Variants in LAPTM4B observed in about 807,000 individuals in gnomAD.
LAPTM4B encodes the protein lysosomal-associated transmembrane protein 4B.
A neutral mutation model predicts 28.5 loss-of-function variants in LAPTM4B; 26 were observed. The observed-to-expected ratio is 0.91, with a 90% CI of 0.67 to 1.27. The LOEUF (loss-of-function observed/expected upper bound fraction) is 1.27. LAPTM4B is among the 50% of genes most tolerant of loss of function. LAPTM4B has a pLI of 0.00. For synonymous variants in LAPTM4B, 109 were observed against 106.4 expected (o/e 1.02, Z -0.15); for missense variants, 288 against 285.8 (o/e 1.01, Z -0.06).
intron 6 of LAPTM4B, among the ~76,000 whole-genome samples, chr8:97,847,663 C>T (rs914484753): frequency 6.6e-6 from 1 of 152,172 alleles, no homozygotes; most frequent in Non-Finnish European, 1.5e-5. Context: ...GAATATACTG[C>T]AGTAGAAACT....
intron 2 of LAPTM4B, among the ~76,000 whole-genome samples, chr8:97,812,734 C>T (rs544575328): frequency 6.6e-6 from 1 of 152,274 alleles, no homozygotes; most frequent in Admixed American, 6.5e-5. Context: ...ACCACCAACC[C>T]AAGACAACCT....
At chr8:97,778,139 C>T (rs1016569209) in intron 1 of LAPTM4B, among the ~76,000 whole-genome samples, 1 of 152,060 alleles carries the variant, frequency 6.6e-6, no homozygotes, top group African/African-American at 2.4e-5. Context: ...TTTGTCTTAA[C>T]GTTTGGAAAT....
intron 1 of LAPTM4B, among the ~76,000 whole-genome samples, chr8:97,792,891 G>A (rs1019584481): frequency 6.6e-6 from 1 of 152,162 alleles, no homozygotes; most frequent in East Asian, 1.9e-4. Context: ...CAGTCAATTA[G>A]TCACTTAATC....
At chr8:97,845,055 C>T (rs949292712) in intron 6 of LAPTM4B, among the ~76,000 whole-genome samples, 1 of 152,210 alleles carries the variant, frequency 6.6e-6, no homozygotes, top group Non-Finnish European at 1.5e-5. Flanking sequence ...CTCATTTCTT[C>T]TGTACTTACC....
intron 3 of LAPTM4B, 137 bp downstream of exon 3, chr8:97,815,538 G>T: frequency 2.9e-6 from 2 of 692,000 alleles, no homozygotes; most frequent in Non-Finnish European, 2.4e-6. Flanking sequence ...TGTATTATGT[G>T]GTACTAGGAA....
chr8:97,782,218 T>G (rs1375035032), intron 1 of LAPTM4B, among the ~76,000 whole-genome samples: 1 of 148,646 alleles, frequency 6.7e-6, no homozygotes, highest in African/African-American at 2.5e-5. Context: ...CGACCTCTGG[T>G]GATCTGCTCC....
intron 1 of LAPTM4B, among the ~76,000 whole-genome samples, chr8:97,789,150 T>G (rs1298796796): frequency 6.6e-6 from 1 of 151,462 alleles, no homozygotes; most frequent in Non-Finnish European, 1.5e-5. Context: ...CTCGACTTAC[T>G]GCAACCTCCG....
intron 1 of LAPTM4B, among the ~76,000 whole-genome samples, chr8:97,776,691 C>G (rs1347642043): frequency 1.2e-5 from 1 of 81,780 alleles, no homozygotes; most frequent in African/African-American, 8.2e-5. Context: ...GTGAATGGGT[C>G]CCCCCCCCGA....
intron 1 of LAPTM4B, among the ~76,000 whole-genome samples, chr8:97,804,052 A>G (rs568268762): frequency 8.5e-5 from 13 of 152,366 alleles, no homozygotes; most frequent in East Asian, 3.9e-4. Flanking sequence ...GAACTGTGCC[A>G]TAAGTTTCTG....
chr8:97,789,814 C>T (rs377143083), intron 1 of LAPTM4B, among the ~76,000 whole-genome samples: 1 of 152,144 alleles, frequency 6.6e-6, no homozygotes, highest in Admixed American at 6.5e-5. Context: ...AGCCACCTTG[C>T]CCGGCCCTCT....
At chr8:97,817,177 G>T (rs955329085) in intron 4 of LAPTM4B, among the ~76,000 whole-genome samples, 2 of 152,106 alleles carry the variant, frequency 1.3e-5, no homozygotes, top group Admixed American at 1.3e-4. Context: ...TGTCACCCAG[G>T]CTGGAGTGCA....
At chr8:97,837,867 A>G (rs1262510303) in intron 6 of LAPTM4B, among the ~76,000 whole-genome samples, 1 of 152,224 alleles carries the variant, frequency 6.6e-6, no homozygotes, top group Admixed American at 6.5e-5. Context: ...AGTTTAGAAG[A>G]GAGATCTTAT....
At chr8:97,798,670 C>T (rs1790705454) in intron 1 of LAPTM4B, among the ~76,000 whole-genome samples, 1 of 151,788 alleles carries the variant, frequency 6.6e-6, no homozygotes, top group African/African-American at 2.4e-5. Flanking sequence ...GTAAGAAGGA[C>T]ACACTGAGCC....
chr8:97,828,632 A>G (rs532724606), intron 6 of LAPTM4B, among the ~76,000 whole-genome samples: 38 of 152,342 alleles, frequency 2.5e-4, no homozygotes, highest in African/African-American at 8.9e-4. Flanking sequence ...TCTTCATTTA[A>G]GAATAGGCAG....
intron 5 of LAPTM4B, among the ~76,000 whole-genome samples, chr8:97,820,622 C>T (rs777931870): frequency 6.6e-6 from 1 of 152,110 alleles, no homozygotes; most frequent in Non-Finnish European, 1.5e-5. Flanking sequence ...GATCCCAACA[C>T]TTTGGGAGGC....
chr8:97,820,788 G>C (rs1306954727), intron 5 of LAPTM4B, among the ~76,000 whole-genome samples: 1 of 151,860 alleles, frequency 6.6e-6, no homozygotes, highest in African/African-American at 2.4e-5. Context: ...GAGTGCAGAG[G>C]TGCGATCTCG....
chr8:97,842,438 T>C, intron 6 of LAPTM4B, among the ~76,000 whole-genome samples: 1 of 152,180 alleles, frequency 6.6e-6, no homozygotes, highest in East Asian at 1.9e-4. Context: ...TGCTTTTGGC[T>C]TGGATAGATC....
At chr8:97,805,649 A>G (rs1179318224) in intron 2 of LAPTM4B, among the ~76,000 whole-genome samples, 185 bp downstream of exon 2, 3 of 148,612 alleles carry the variant, frequency 2.0e-5, no homozygotes, top group South Asian at 2.2e-4. Flanking sequence ...AATAAGATCT[A>G]TTTTCATCTT....
intron 5 of LAPTM4B, among the ~76,000 whole-genome samples, chr8:97,821,815 A>G (rs566437220): frequency 5.1e-4 from 78 of 152,286 alleles, no homozygotes; most frequent in African/African-American, 1.8e-3. Flanking sequence ...TTGGTGTTCC[A>G]TAGGCCACAA....
Sources: allele counts gnomAD v4.1 joint callset (sites outside exome capture counted in the v4.1 genomes callset), GRCh38; gene constraint gnomAD v4.1.1; transcripts MANE v1.5; gene names NCBI Gene and HGNC (gene_info 2026-07-23, HGNC 2026-07-21).